The following PCNX3 variants were observed in gnomAD, a reference collection of about 807,000 sequenced individuals.
The protein encoded by PCNX3 is pecanex 3.
A neutral mutation model predicts 207.2 loss-of-function variants in PCNX3; 58 were observed. That is an observed-to-expected ratio of 0.28 (90% CI 0.23 to 0.35). PCNX3 has a LOEUF of 0.35. PCNX3 is among the 10% of genes least tolerant of loss of function. The pLI, the probability that PCNX3 is intolerant of heterozygous loss-of-function variation, is 1.00. For synonymous variants in PCNX3, 1,337 were observed against 1,183.5 expected, an observed-to-expected ratio of 1.13 and a Z score of -2.66; for missense variants, 2,410 against 2,774.4, an observed-to-expected ratio of 0.87 and a Z score of 2.95.
At position 65,636,161 on chromosome 11, in the gene PCNX3, T is replaced by A. The variant is rs368841373; in HGVS notation, c.5460-13T>A. ...TGTCCCTCCTGATCCCTTTTCTACC[T>A]CTCCACCCCCAGGCTTCACAAGGGC... On this transcript the variant is annotated splice_polypyrimidine_tract_variant and intron_variant, in intron 32 of 34. Transcript: ENST00000355703. 1 of 1,593,294 alleles carries A rather than the reference T, an allele frequency of 6.3e-7. No individual in the cohort carries two copies. The highest frequency in any genetic ancestry group is 1.1e-5 in the South Asian group (1 of 87,858).
chr11:65,620,620 A>G (rs1162333020), intron 9 of PCNX3, among the ~76,000 whole-genome samples, 191 bp downstream of exon 9: 1 of 152,104 alleles, frequency 6.6e-6, no homozygotes, highest in Non-Finnish European at 1.5e-5. Context: ...TCCGGGCAGG[A>G]AGTTTCTAGG....
At chr11:65,623,461 G>A (rs769832319) in intron 11 of PCNX3, 30 bp from the exon 12 acceptor site, 15 of 1,556,964 alleles carry the variant, frequency 9.6e-6, no homozygotes, top group East Asian at 6.8e-5. Flanking sequence ...GAGGCAAGAC[G>A]GGCACGCCCT....
In PCNX3 at chr11:65,633,932, G is replaced by A. The variant is rs74735170; in HGVS notation, c.4471-194G>A. On this transcript the variant is annotated intron_variant, in intron 27 of 34. Transcript: ENST00000355703. ...TAAGTGGGTGCTTCCTGGCGGCTTT[G>A]TCACTCCTCCCTGGTCTAGGGGAAG... 9.8e-3 allele frequency: 5,989 copies of A among 609,532 alleles called. 258 individuals carry two copies. The highest frequency in any genetic ancestry group is 0.092 in the African/African-American group (4,993 of 54,142). 37.8% of individuals were successfully genotyped at this position (609,532 alleles called of 1,614,324 possible).
At position 65,635,672 on chromosome 11, in the gene PCNX3, G is replaced by A. The variant is rs1266586786; in HGVS notation, c.5328G>A (p.Pro1776=). 4.3e-6 allele frequency: 7 copies of A among 1,612,402 alleles called. No individual in the cohort carries two copies. The highest frequency in any genetic ancestry group is 1.7e-5 in the Admixed American group (1 of 59,878). Residue 1776 remains proline, a synonymous_variant, in exon 32 of 35, where the codon CCG becomes CCA. Transcript: ENST00000355703. This position sits in a 1 kb window ranked among gnomAD's most constrained non-coding sequence, Gnocchi z 9.9. Reference sequence around the variant, plus strand: ...TGATCAACTCCTCCTGTGACCAGCCGCTGGGCTACCCCATCTACGTGTCGC... The same window carrying A: ...TGATCAACTCCTCCTGTGACCAGCCACTGGGCTACCCCATCTACGTGTCGC... ...RNMINSSCDQ[P]LGYPIYVSPL... is the part of the protein sequence containing the mutation.
At chr11:65,623,893 C>T (rs373273686) in intron 12 of PCNX3, 36 bp from the exon 13 acceptor site, 195 of 1,612,258 alleles carry the variant, frequency 1.2e-4, no homozygotes, top group Non-Finnish European at 1.6e-4. Flanking sequence ...CCGTGGGCAT[C>T]GGCTCTAGTT....
intron 12 of PCNX3, 127 bp downstream of exon 12, chr11:65,623,771 C>T (rs1855234676): frequency 4.6e-6 from 7 of 1,519,010 alleles, no homozygotes; most frequent in South Asian, 1.2e-5. Context: ...CTAGAGCTGG[C>T]CAGCTCTTTT....
chr11:65,626,789 C>A, intron 20 of PCNX3, 115 bp from the exon 21 acceptor site: 4 of 1,460,068 alleles, frequency 2.7e-6, no homozygotes, highest in Non-Finnish European at 3.7e-6. Context: ...ATCAGCCCCT[C>A]CCCCCAGGGT....
In PCNX3 at chr11:65,635,170, C is replaced by G. The variant is rs753255639; in HGVS notation, c.4954-48C>G. ...CATGGGCAGGTGGGGGATGAAGCCTCTCTCCAGGGCAGGGGCCACTGACCC... is the reference window on the plus strand; with the variant it reads ...CATGGGCAGGTGGGGGATGAAGCCTGTCTCCAGGGCAGGGGCCACTGACCC... On this transcript the variant is annotated intron_variant, in intron 30 of 34. Coordinates refer to ENST00000355703, the MANE Select transcript of PCNX3 (RefSeq NM_032223.4). This position sits in a 1 kb window ranked among gnomAD's most constrained non-coding sequence, Gnocchi z 9.9. 5 of 1,602,920 alleles carry G rather than the reference C, an allele frequency of 3.1e-6. No individual in the cohort carries two copies. The highest frequency in any genetic ancestry group is 4.3e-6 in the Non-Finnish European group (5 of 1,173,342).
chr11:65,630,297 A>AG, intron 26 of PCNX3, 54 bp from the exon 27 acceptor site: 1 of 1,577,888 alleles, frequency 6.3e-7, no homozygotes, highest in South Asian at 1.1e-5. Flanking sequence ...CTCCCAGGAC[A>AG]GGGCAGGTAG....
intron 9 of PCNX3, among the ~76,000 whole-genome samples, 174 bp from the exon 10 acceptor site, chr11:65,620,657 G>A (rs1327265973): frequency 2.0e-5 from 3 of 152,208 alleles, no homozygotes; most frequent in Non-Finnish European, 4.4e-5. Flanking sequence ...CTCGACACTC[G>A]TGCCAGGGTC....
chr11:65,632,785 C>A (rs1244047820), intron 27 of PCNX3, among the ~76,000 whole-genome samples: 1 of 151,004 alleles, frequency 6.6e-6, no homozygotes, highest in Admixed American at 6.6e-5. Flanking sequence ...CATTCTGTCA[C>A]CCAGGCTGGA....
intron 27 of PCNX3, among the ~76,000 whole-genome samples, chr11:65,632,849 A>G (rs894384663): frequency 6.6e-6 from 1 of 151,118 alleles, no homozygotes; most frequent in Non-Finnish European, 1.5e-5. Context: ...GGTTCAAGTA[A>G]TCCTCCTACC....
intron 12 of PCNX3, 50 bp from the exon 13 acceptor site, chr11:65,623,879 C>G: frequency 6.2e-7 from 1 of 1,611,706 alleles, no homozygotes; most frequent in South Asian, 1.1e-5. Flanking sequence ...GGCCTCTGAC[C>G]ATCCCGTGGG....
chr11:65,616,735 C>CTGTGAA (rs1259067313), intron 1 of PCNX3, 89 bp from the exon 2 acceptor site: 3 of 1,419,894 alleles, frequency 2.1e-6, no homozygotes, highest in Non-Finnish European at 2.9e-6. Context: ...TCTTGTGAGT[C>CTGTGAA]TGTGAATCCC....
chr11:65,618,989 G>A lies in PCNX3; in HGVS notation c.1627G>A (p.Ala543Thr), dbSNP rs1371467410. The A allele has an allele frequency of 1.9e-6, 3 of 1,599,972 alleles. No homozygotes were observed. Among genetic ancestry groups the A allele is most frequent in the Admixed American group, 1.7e-5 (1 of 59,330 alleles). The change falls in exon 6 of 35, where the codon GCT (alanine) becomes ACT (threonine). Residue 543 changes from alanine to threonine, a missense_variant. Around this residue, in one of 8 missense-constraint regions of PCNX3, gnomAD observed 1,104 missense variants for 970.3 expected, o/e 1.14. Transcript: ENST00000355703. ...TGCTAGTGAGCCTGTTGTGCTGCCTGCTGAGGCGCGAAGGGGACCCGCTGC... is the reference window on the plus strand; with the variant it reads ...TGCTAGTGAGCCTGTTGTGCTGCCTACTGAGGCGCGAAGGGGACCCGCTGC... Reference protein sequence around the residue: ...QAASEPVVLPAEARRGPAANQ... With the variant: ...QAASEPVVLPTEARRGPAANQ...
intron 11 of PCNX3, 56 bp from the exon 12 acceptor site, chr11:65,623,435 T>G: frequency 1.3e-6 from 2 of 1,522,454 alleles, no homozygotes; most frequent in Non-Finnish European, 1.8e-6. Context: ...TCTTCCCCAC[T>G]GCCCCACTGG....
intron 25 of PCNX3, 38 bp from the exon 26 acceptor site, chr11:65,629,482 G>T (rs1204926031): frequency 1.9e-5 from 30 of 1,612,052 alleles, no homozygotes; most frequent in Non-Finnish European, 2.4e-5. Context: ...TCGCTAACTT[G>T]TCACTTTGTC....
intron 20 of PCNX3, chr11:65,626,454 C>A: frequency 1.0e-5 from 4 of 397,804 alleles, no homozygotes; most frequent in South Asian, 8.5e-5. Context: ...TCTATTTTAG[C>A]ATCTCGATTT....
chr11:65,617,148 T>C, intron 2 of PCNX3, 102 bp from the exon 3 acceptor site: 1 of 1,402,764 alleles, frequency 7.1e-7, no homozygotes, highest in Non-Finnish European at 9.8e-7. Flanking sequence ...AGCCCTGGAA[T>C]TGTAAAGTGA....
Sources: allele counts gnomAD v4.1 joint callset (sites outside exome capture counted in the v4.1 genomes callset), GRCh38; gene constraint gnomAD v4.1.1; regional missense constraint gnomAD v4.1.1; non-coding constraint Gnocchi (gnomAD v3.1); transcripts MANE v1.5; gene names NCBI Gene and HGNC (gene_info 2026-07-23, HGNC 2026-07-21).